ULK4: variants seen among roughly 807,000 people sequenced by gnomAD.
ULK4 encodes the protein inactive serine/threonine-protein kinase ULK4.
ULK4 carries 133 observed loss-of-function variants against 160.6 expected under a neutral mutation model. That is an observed-to-expected ratio of 0.83 (90% CI 0.72 to 0.96). The LOEUF (loss-of-function observed/expected upper bound fraction) is 0.96. Ranked by LOEUF, ULK4 falls within the 40% of genes least tolerant of loss-of-function variation. ULK4 has a pLI of 0.00. For synonymous variants in ULK4, 534 were observed against 539.8 expected (o/e 0.99, Z 0.15); for missense variants, 1,580 against 1,499.5 (o/e 1.05, Z -0.89).
intron 32 of ULK4, among the ~76,000 whole-genome samples, chr3:41,563,087 G>A (rs776704232): frequency 1.1e-4 from 17 of 152,182 alleles, no homozygotes; most frequent in Non-Finnish European, 2.2e-4. Context: ...TTGCTTGTCT[G>A]TAAAGGATTT....
chr3:41,386,652 G>A (rs532694512), intron 35 of ULK4, among the ~76,000 whole-genome samples: 60 of 152,208 alleles, frequency 3.9e-4, no homozygotes, highest in African/African-American at 1.4e-3. Flanking sequence ...CTGCCTCAGA[G>A]ACCTATACTC....
At chr3:41,497,280 A>G (rs1240191479) in intron 32 of ULK4, among the ~76,000 whole-genome samples, 2 of 152,022 alleles carry the variant, frequency 1.3e-5, no homozygotes, top group Non-Finnish European at 2.9e-5. Flanking sequence ...CAGGAAAAAA[A>G]GGTCAGTAAA....
rs537210775 is a variant in ULK4 at position 41,384,079 on chromosome 3, C to T, written c.3678+14000G>A. Among the ~76,000 whole-genome samples, 5 of 152,278 alleles carry T rather than the reference C, an allele frequency of 3.3e-5. No homozygotes were observed. In the South Asian group the frequency reaches 1.0e-3, roughly 32 times the overall value. ...CCTTAGTGATTGCAAGGGTAACACA[C>T]ACCTGCATAGTGGAGACATGTGTCA... On this transcript the variant is annotated intron_variant, in intron 35 of 36. Coordinates refer to ENST00000301831, the MANE Select transcript of ULK4 (RefSeq NM_017886.4).
chr3:41,918,160 A>T (rs1208098110), intron 7 of ULK4, among the ~76,000 whole-genome samples: 1 of 152,226 alleles, frequency 6.6e-6, no homozygotes, highest in Non-Finnish European at 1.5e-5. Flanking sequence ...TGGTACATAC[A>T]AAAAGCAATG....
At chr3:41,701,621 A>G (rs1240752019) in intron 27 of ULK4, among the ~76,000 whole-genome samples, 1 of 152,214 alleles carries the variant, frequency 6.6e-6, no homozygotes. Flanking sequence ...AATGAAAACT[A>G]AAAAAAGAAG....
intron 5 of ULK4, among the ~76,000 whole-genome samples, chr3:41,920,344 A>C (rs1375469793): frequency 6.6e-6 from 1 of 152,168 alleles, no homozygotes; most frequent in Non-Finnish European, 1.5e-5. Context: ...TTCCGCTCAC[A>C]CTTAGTTGGC....
chr3:41,817,719 G>A (rs1049756190), intron 19 of ULK4, among the ~76,000 whole-genome samples: 14 of 151,960 alleles, frequency 9.2e-5, no homozygotes, highest in African/African-American at 3.1e-4. Context: ...CCAAACCACA[G>A]CATATACCCA....
intron 35 of ULK4, among the ~76,000 whole-genome samples, chr3:41,257,919 T>A (rs1427660247): frequency 6.6e-6 from 1 of 152,158 alleles, no homozygotes; most frequent in African/African-American, 2.4e-5. Context: ...ATCTGAGTAA[T>A]TTTTGAAACA....
chr3:41,663,706 T>C lies in ULK4; in HGVS notation c.2979-7A>G. The C allele has an allele frequency of 6.2e-7, 1 of 1,611,830 alleles. No homozygotes were observed. Among genetic ancestry groups the C allele is most frequent in the Non-Finnish European group, 8.5e-7 (1 of 1,178,082 alleles). On this transcript the variant is annotated splice_polypyrimidine_tract_variant and splice_region_variant and intron_variant, in intron 29 of 36. Transcript: ENST00000301831. ...TAAAAGAATGTGCTCATACCTGAAA[T>C]GGTAAAGACATTTAAAAAATACTCA...
intron 27 of ULK4, among the ~76,000 whole-genome samples, chr3:41,684,624 C>T (rs79165747): frequency 2.0e-5 from 3 of 152,160 alleles, no homozygotes; most frequent in Admixed American, 1.3e-4. Context: ...CTTAAAAGGT[C>T]CCACCCCAAG....
At chr3:41,945,829 T>C (rs1700095857) in intron 2 of ULK4, among the ~76,000 whole-genome samples, 1 of 152,220 alleles carries the variant, frequency 6.6e-6, no homozygotes, top group African/African-American at 2.4e-5. Context: ...GTTATCACCA[T>C]CCTTCTTAGT....
intron 20 of ULK4, among the ~76,000 whole-genome samples, chr3:41,792,471 A>G (rs2040180624): frequency 6.6e-6 from 1 of 152,224 alleles, no homozygotes; most frequent in African/African-American, 2.4e-5. Flanking sequence ...CTAGCAAATT[A>G]GGATTCAATG....
chr3:41,423,084 T>C (rs1322092642), intron 34 of ULK4, among the ~76,000 whole-genome samples: 1 of 152,206 alleles, frequency 6.6e-6, no homozygotes, highest in Non-Finnish European at 1.5e-5. Context: ...TTACAAAATA[T>C]GTATACTATT....
chr3:41,791,603 T>C (rs1575715381), intron 20 of ULK4, among the ~76,000 whole-genome samples: 1 of 152,236 alleles, frequency 6.6e-6, no homozygotes, highest in African/African-American at 2.4e-5. Context: ...TCCACGTTTA[T>C]ACCATTCAAA....
chr3:41,319,142 C>G (rs6768531), intron 35 of ULK4, among the ~76,000 whole-genome samples: 83,987 of 152,066 alleles, frequency 0.55, 25,060 homozygotes, highest in African/African-American at 0.8. Flanking sequence ...ACACATTTAA[C>G]TGGCAGTGCA....
intron 34 of ULK4, among the ~76,000 whole-genome samples, chr3:41,404,944 A>C (rs1395811207): frequency 1.3e-5 from 2 of 152,214 alleles, no homozygotes; most frequent in Non-Finnish European, 2.9e-5. Flanking sequence ...AAATGGACTA[A>C]GAACTCTAAT....
In ULK4 at chr3:41,374,094, T is replaced by C. The variant is rs542742665; in HGVS notation, c.3678+23985A>G. Among the ~76,000 whole-genome samples, 9 of 152,262 alleles carry C rather than the reference T, an allele frequency of 5.9e-5. No individual in the cohort carries two copies. The East Asian group carries it at 7.7e-4, about 13-fold the overall frequency. The stretch of plus-strand genomic sequence containing the variant: ...CTCCCAAGACTAAACCAGGAAGAAG[T>C]TGAATCCCTGAATAGACCAAAAACA... On this transcript the variant is annotated intron_variant, in intron 35 of 36. Transcript: ENST00000301831.
intron 31 of ULK4, among the ~76,000 whole-genome samples, chr3:41,614,700 C>T (rs903993892): frequency 2.6e-5 from 4 of 152,168 alleles, no homozygotes; most frequent in Admixed American, 6.5e-5. Flanking sequence ...CTCAGCAAAT[C>T]CACTCAGCTC....
intron 21 of ULK4, among the ~76,000 whole-genome samples, chr3:41,769,047 G>A (rs73071329): frequency 0.3 from 45,033 of 152,026 alleles, 9,305 homozygotes; most frequent in African/African-American, 0.59. Flanking sequence ...AATTAAAATA[G>A]TATGCTTATG....
Sources: gnomAD v4.1 joint callset for allele counts (sites outside exome capture counted in the v4.1 genomes callset) on GRCh38, gnomAD v4.1.1 for gene constraint, MANE v1.5 for transcripts, NCBI Gene and HGNC (gene_info 2026-07-23, HGNC 2026-07-21) for gene names.